CD200R1L: variants seen among roughly 807,000 people sequenced by gnomAD.
CD200R1L encodes cell surface glycoprotein CD200 receptor 2.
A neutral mutation model predicts 24.8 loss-of-function variants in CD200R1L; 14 were observed. The ratio of observed to expected loss-of-function variants is 0.56; its 90% CI spans 0.37 to 0.88. The LOEUF (loss-of-function observed/expected upper bound fraction) is 0.88. Among genes scored for constraint, CD200R1L ranks in the 40% least tolerant of loss-of-function variants. The pLI is 0.00. For missense variants in CD200R1L, 299 were observed against 297.8 expected, an observed-to-expected ratio of 1.00 and a Z score of -0.03; for synonymous variants, 111 against 109.2, an observed-to-expected ratio of 1.02 and a Z score of -0.11.
chr3:112,846,500 C>T (rs555343638), intron 1 of CD200R1L, 125 bp downstream of exon 1: 3 of 152,200 alleles, frequency 2.0e-5, no homozygotes, highest in South Asian at 4.1e-4. Context: ...TGGATATACA[C>T]CTAGGAATTA....
At chr3:112,834,077 G>A (rs1349455525) in intron 3 of CD200R1L, among the ~76,000 whole-genome samples, 1 of 152,070 alleles carries the variant, frequency 6.6e-6, no homozygotes. Flanking sequence ...CACTGGCACA[G>A]CCTCTGGAAG....
chr3:112,821,500 C>T (rs1020047980), intron 6 of CD200R1L, among the ~76,000 whole-genome samples: 2 of 152,332 alleles, frequency 1.3e-5, no homozygotes, highest in African/African-American at 2.4e-5. Context: ...ATTGACTATT[C>T]CTCTAATTGC....
At position 112,844,859 on chromosome 3, in the gene CD200R1L, G is replaced by A. The variant is rs545715397; in HGVS notation, c.-87+820C>T. Among the ~76,000 whole-genome samples, 43 of 152,276 alleles carry A rather than the reference G, an allele frequency of 2.8e-4. 1 individual carries two copies. The highest frequency in any genetic ancestry group is 9.4e-4 in the African/African-American group (39 of 41,564). On this transcript the variant is annotated intron_variant, in intron 2 of 7. Coordinates refer to ENST00000488794, the MANE Select transcript of CD200R1L (RefSeq NM_001199215.3). ...GACTCTCTTGAACCCAGGAGGCAGA[G>A]GTTGCAGTGAGCCAAGATGGCACCA...
At chr3:112,841,197 T>C (rs1277679105) in intron 2 of CD200R1L, 1 of 403,646 alleles carries the variant, frequency 2.5e-6, no homozygotes, top group Non-Finnish European at 5.0e-6. Context: ...TGTCTCATGA[T>C]AGAGTTCTCA....
intron 1 of CD200R1L, 112 bp from the exon 2 acceptor site, chr3:112,846,062 T>C: frequency 4.8e-6 from 1 of 207,408 alleles, no homozygotes; most frequent in Admixed American, 5.8e-5. Context: ...ATTTTGAGAG[T>C]ATAAATTACA....
At chr3:112,820,632 T>C (rs1000301610) in intron 6 of CD200R1L, among the ~76,000 whole-genome samples, 6 of 151,642 alleles carry the variant, frequency 4.0e-5, no homozygotes, top group African/African-American at 1.4e-4. Flanking sequence ...GGTTTCGTCA[T>C]GTTGGCCAGG....
chr3:112,821,533 A>T (rs756454525), intron 6 of CD200R1L, among the ~76,000 whole-genome samples: 62 of 152,312 alleles, frequency 4.1e-4, no homozygotes, highest in African/African-American at 1.4e-3. Context: ...GCAACTTGTG[A>T]ATTACCACAC....
At chr3:112,842,576 C>A (rs1446607201) in intron 2 of CD200R1L, among the ~76,000 whole-genome samples, 1 of 151,912 alleles carries the variant, frequency 6.6e-6, no homozygotes, top group Non-Finnish European at 1.5e-5. Context: ...CGGGGTCGGG[C>A]AAAAAGAGCC....
chr3:112,839,866 C>G (rs978582572), intron 2 of CD200R1L, among the ~76,000 whole-genome samples: 7 of 152,128 alleles, frequency 4.6e-5, no homozygotes, highest in Non-Finnish European at 8.8e-5. Flanking sequence ...AACTAGTTGC[C>G]TTAAAAGACA....
chr3:112,834,837 G>T (rs977106927), intron 3 of CD200R1L, among the ~76,000 whole-genome samples: 4 of 152,212 alleles, frequency 2.6e-5, no homozygotes, highest in Non-Finnish European at 5.9e-5. Flanking sequence ...CCAAGTGCTG[G>T]CATGGGTGCC....
At chr3:112,829,033 A>G (rs1938734198) in intron 4 of CD200R1L, among the ~76,000 whole-genome samples, 1 of 152,208 alleles carries the variant, frequency 6.6e-6, no homozygotes, top group Non-Finnish European at 1.5e-5. Flanking sequence ...TGATCACATA[A>G]CCAGATGCAG....
At chr3:112,837,840 G>T (rs950124630) in intron 3 of CD200R1L, 102 bp downstream of exon 3, 6 of 290,484 alleles carry the variant, frequency 2.1e-5, no homozygotes, top group Non-Finnish European at 3.6e-5. Flanking sequence ...GTGCAGAGAG[G>T]TATCTGTTAA....
chr3:112,819,365 A>G (rs762953180), intron 7 of CD200R1L, among the ~76,000 whole-genome samples: 39 of 152,350 alleles, frequency 2.6e-4, no homozygotes, highest in Non-Finnish European at 5.1e-4. Context: ...ATATAAATTG[A>G]CATCCAGCTC....
Position 112,827,006 on chromosome 3 carries a change from T to G in CD200R1L, c.603A>C (p.Val201=), listed in dbSNP as rs761264221. ...SHLTGNKSLS[V]KLNSGLRTSG... is the part of the protein sequence containing the mutation. ...ACAGGCGCTTACCTGAATTCAACTT[T>G]ACGGACAGACTCTTGTTGCCAGTCA... is the stretch of plus-strand genomic sequence containing the variant. Residue 201 remains valine (V), a synonymous_variant, in exon 6 of 8, where the codon GTA becomes GTC. Coordinates refer to ENST00000488794, the MANE Select transcript of CD200R1L (RefSeq NM_001199215.3). The G allele has an allele frequency of 2.5e-6, 4 of 1,607,638 alleles. No homozygotes were observed. Among genetic ancestry groups the G allele is most frequent in the Middle Eastern group, 2.1e-4 (1 of 4,802 alleles).
At chr3:112,822,309 T>C (rs1476903629) in intron 6 of CD200R1L, among the ~76,000 whole-genome samples, 1 of 152,098 alleles carries the variant, frequency 6.6e-6, no homozygotes, top group African/African-American at 2.4e-5. Context: ...GAAGACAGCT[T>C]CAGGATGGGG....
intron 7 of CD200R1L, among the ~76,000 whole-genome samples, chr3:112,817,738 C>T (rs1430076829): frequency 6.6e-6 from 1 of 152,194 alleles, no homozygotes; most frequent in African/African-American, 2.4e-5. Flanking sequence ...ATAATATCAT[C>T]CAATTTATGC....
At chr3:112,816,431 T>A (rs1387021) in intron 7 of CD200R1L, among the ~76,000 whole-genome samples, 103,031 of 152,120 alleles carry the variant, frequency 0.68, 36,415 homozygotes, top group Non-Finnish European at 0.79. Flanking sequence ...TCAAAACAGA[T>A]ACATTAACAC....
At chr3:112,816,998 CTT>C (rs2107324831) in intron 7 of CD200R1L, among the ~76,000 whole-genome samples, 1 of 152,202 alleles carries the variant, frequency 6.6e-6, no homozygotes, top group Non-Finnish European at 1.5e-5. Flanking sequence ...TCAATTAAAC[CTT>C]TTCCTTTATA....
intron 3 of CD200R1L, among the ~76,000 whole-genome samples, chr3:112,836,710 G>T (rs2107348708): frequency 6.6e-6 from 1 of 152,248 alleles, no homozygotes; most frequent in Non-Finnish European, 1.5e-5. Flanking sequence ...TATATTAGTA[G>T]ATTATTTAAT....
Sources: gnomAD v4.1 joint callset for allele counts (sites outside exome capture counted in the v4.1 genomes callset) on GRCh38, gnomAD v4.1.1 for gene constraint, MANE v1.5 for transcripts, NCBI Gene and HGNC (gene_info 2026-07-23, HGNC 2026-07-21) for gene names.